The following DAAM2 variants were observed in gnomAD, a reference collection of about 807,000 sequenced individuals.
The protein encoded by DAAM2 is disheveled-associated activator of morphogenesis 2.
Under a neutral mutation model 120.7 loss-of-function variants are expected in DAAM2, and 39 were observed. The observed-to-expected ratio is 0.32, with a 90% confidence interval of 0.25 to 0.42. DAAM2 has a LOEUF of 0.42. Ranked by LOEUF, DAAM2 falls within the 10% of genes least tolerant of loss-of-function variation. The pLI, the probability that DAAM2 is intolerant of heterozygous loss-of-function variation, is 1.00. For missense variants in DAAM2, 1,283 were observed against 1,401.7 expected (o/e 0.92, Z 1.35); for synonymous variants, 488 against 524.9 (o/e 0.93, Z 0.96).
At position 39,887,503 on chromosome 6, in the gene DAAM2, T is replaced by A. The variant is rs1229240520; in HGVS notation, c.1971T>A (p.Thr657=). 6.2e-7 allele frequency: 1 copy of A among 1,613,490 alleles called. No homozygotes were observed. Among genetic ancestry groups the A allele is most frequent in the South Asian group, 1.1e-5 (1 of 90,908 alleles). Residue 657 remains threonine, a synonymous_variant, in exon 16 of 25, where the codon ACT becomes ACA. Transcript: ENST00000274867. ...GGTTGCAGAAAGAGCTGGGCTCCAC[T>A]GAAGACATCTACCTGGCTTCCCGCA... The part of the protein sequence containing the change: ...YQRHQKELGS[T]EDIYLASRKV...
In DAAM2 at chr6:39,792,400, A is replaced by C. The variant is rs1761572879; in HGVS notation, c.-122A>C. The C allele has an allele frequency of 6.6e-6, 1 of 152,146 alleles. No individual in the cohort carries two copies. 9.4% of individuals were successfully genotyped at this position (152,146 alleles called of 1,614,324 possible). ...GGATAGCGCGGAGCACGCAGCAGCG[A>C]GCGGAGCGCGGGCGGCGGCGCCGTA... On this transcript the variant is annotated 5_prime_UTR_variant, in exon 1 of 25. Transcript: ENST00000274867.
At chr6:39,805,942 G>T (rs1430529966) in intron 1 of DAAM2, among the ~76,000 whole-genome samples, 1 of 152,192 alleles carries the variant, frequency 6.6e-6, no homozygotes, top group Non-Finnish European at 1.5e-5. Flanking sequence ...AGAAAATTCA[G>T]TGTGGAAGAA....
At position 39,815,136 on chromosome 6, in the gene DAAM2, G is replaced by T. The variant is rs530909673; in HGVS notation, c.-57+22671G>T. Among the ~76,000 whole-genome samples the T allele has an allele frequency of 2.6e-5, 4 of 152,240 alleles. No individual in the cohort carries two copies. The South Asian group carries it at 8.3e-4, about 32-fold the overall frequency. On this transcript the variant is annotated intron_variant, in intron 1 of 24. Transcript: ENST00000274867. Reference sequence around the variant, plus strand: ...TTCTGGATCAAGCTCTAGGGGTGCAGCCCAGCGATTTGTGTCTTATCAAGC... The same window carrying T: ...TTCTGGATCAAGCTCTAGGGGTGCATCCCAGCGATTTGTGTCTTATCAAGC...
chr6:39,802,873 T>G (rs1370542116), intron 1 of DAAM2, among the ~76,000 whole-genome samples: 2 of 152,100 alleles, frequency 1.3e-5, no homozygotes, highest in Non-Finnish European at 2.9e-5. Flanking sequence ...CTCGTGCCCC[T>G]CTCTGGTTAC....
chr6:39,871,592 G>T lies in DAAM2; in HGVS notation c.1044+20G>T. 1 of 1,548,574 alleles carries T rather than the reference G, an allele frequency of 6.5e-7. No individual in the cohort carries two copies. The highest frequency in any genetic ancestry group is 1.2e-5 in the South Asian group (1 of 83,918). ...GACATGGTGAGGAGCCAGCAGGGTG[G>T]AGCGATTGCAATGGGGTAGTAGGGT... On this transcript the variant is annotated intron_variant, in intron 9 of 24. Transcript: ENST00000274867.
chr6:39,820,765 C>T (rs1373257256), intron 1 of DAAM2: 2 of 152,236 alleles, frequency 1.3e-5, no homozygotes, highest in African/African-American at 4.8e-5. Context: ...TTACTATCTC[C>T]AGGCCTCAGT....
chr6:39,838,409 C>A (rs1448954018), intron 1 of DAAM2, among the ~76,000 whole-genome samples: 1 of 152,142 alleles, frequency 6.6e-6, no homozygotes, highest in Non-Finnish European at 1.5e-5. Context: ...GGCCCAGTGA[C>A]AAATTTTAAG....
intron 1 of DAAM2, 78 bp from the exon 2 acceptor site, chr6:39,856,169 T>A: frequency 7.8e-7 from 1 of 1,285,150 alleles, no homozygotes; most frequent in Non-Finnish European, 9.8e-7. Flanking sequence ...GGGACAGAGG[T>A]TATGAAGGCA....
rs763293394 is a variant in DAAM2 at position 39,879,308 on chromosome 6, C to T, written c.1676C>T (p.Pro559Leu). 8.4e-6 allele frequency: 13 copies of T among 1,556,488 alleles called. No homozygotes were observed. The highest frequency in any genetic ancestry group is 1.1e-5 in the Non-Finnish European group (12 of 1,137,326). The change falls in exon 14 of 25, where the codon CCC becomes CTC. Residue 559 changes from proline (P) to leucine (L), a missense_variant. This residue lies in a region of DAAM2 where 748 missense variants were observed against 768.6 expected (regional missense o/e 0.97). Transcript: ENST00000274867. Reference sequence around the variant, plus strand: ...TGTTGTCCCCCTCCCCCACCACCACCCCTTCCTCCCGGGGGACCCCCGACT... The same window carrying T: ...TGTTGTCCCCCTCCCCCACCACCACTCCTTCCTCCCGGGGGACCCCCGACT... ...FACCPPPPPP[P>L]LPPGGPPTPP...
intron 1 of DAAM2, among the ~76,000 whole-genome samples, chr6:39,807,947 T>C (rs1762055564): frequency 6.6e-6 from 1 of 152,118 alleles, no homozygotes; most frequent in Admixed American, 6.5e-5. Context: ...TGCTGAAGAG[T>C]GAACAGGAAG....
intron 1 of DAAM2, among the ~76,000 whole-genome samples, chr6:39,825,784 A>G (rs1455987453): frequency 2.0e-5 from 3 of 152,132 alleles, no homozygotes; most frequent in African/African-American, 4.8e-5. Flanking sequence ...GGGTGGGCTC[A>G]TGTATCTCCT....
At chr6:39,826,731 A>G (rs1371929165) in intron 1 of DAAM2, among the ~76,000 whole-genome samples, 2 of 152,236 alleles carry the variant, frequency 1.3e-5, no homozygotes, top group Non-Finnish European at 2.9e-5. Context: ...TGAAATGTGA[A>G]AAAGCATACT....
intron 1 of DAAM2, among the ~76,000 whole-genome samples, chr6:39,797,254 A>G (rs2113985755): frequency 6.6e-6 from 1 of 152,350 alleles, no homozygotes; most frequent in South Asian, 2.1e-4. Context: ...ATCAAGGTCA[A>G]ACTGAGGACA....
At chr6:39,852,331 C>G (rs1763837986) in intron 1 of DAAM2, among the ~76,000 whole-genome samples, 1 of 152,204 alleles carries the variant, frequency 6.6e-6, no homozygotes, top group African/African-American at 2.4e-5. Flanking sequence ...GCCACTTCAC[C>G]TTCTCCTCTC....
chr6:39,891,807 G>A (rs1765739325), intron 19 of DAAM2, 85 bp downstream of exon 19: 7 of 1,005,302 alleles, frequency 7.0e-6, no homozygotes, highest in Non-Finnish European at 1.0e-5. Context: ...TAGGGGCAGA[G>A]GGAAACCCCT....
Position 39,878,284 on chromosome 6 carries a change from G to C in DAAM2, c.1360+23G>C. The C allele has an allele frequency of 6.2e-7, 1 of 1,613,668 alleles. No homozygotes were observed. ...AAGGTGAGGGGCTCTGCTTAAGCCT[G>C]CTGTCCACTCCACATGCCCTTCCCC... On this transcript the variant is annotated intron_variant, in intron 12 of 24. Transcript: ENST00000274867. The surrounding 1 kb of genome is among the most constrained non-coding windows in gnomAD (Gnocchi z 5.0).
chr6:39,830,066 C>T (rs989205896), intron 1 of DAAM2, among the ~76,000 whole-genome samples: 1 of 152,142 alleles, frequency 6.6e-6, no homozygotes, highest in Admixed American at 6.5e-5. Flanking sequence ...TTTGTACCCC[C>T]TTTCCGACTG....
chr6:39,844,005 CTT>C (rs1178644916), intron 1 of DAAM2, among the ~76,000 whole-genome samples: 3 of 152,088 alleles, frequency 2.0e-5, no homozygotes, highest in African/African-American at 7.2e-5. Context: ...ACTTTACTAA[CTT>C]GGGCAAGTTA....
chr6:39,868,309 T>C, intron 6 of DAAM2: 1 of 226,256 alleles, frequency 4.4e-6, no homozygotes, highest in South Asian at 8.3e-5. Context: ...TTTCTTTCCC[T>C]GACCTGCCCA....
Sources: allele counts gnomAD v4.1 joint callset (sites outside exome capture counted in the v4.1 genomes callset), GRCh38; gene constraint gnomAD v4.1.1; regional missense constraint gnomAD v4.1.1; non-coding constraint Gnocchi (gnomAD v3.1); transcripts MANE v1.5; gene names NCBI Gene and HGNC (gene_info 2026-07-23, HGNC 2026-07-21).